Variants in ITGA9 observed in about 807,000 individuals in gnomAD.
ITGA9 encodes integrin subunit alpha 9.
In ITGA9, 56 loss-of-function variants were observed where a neutral mutation model predicts 127.8. The observed-to-expected ratio is 0.44, with a 90% CI of 0.35 to 0.55. The LOEUF (loss-of-function observed/expected upper bound fraction) is 0.55, where lower values mean the gene tolerates loss of function less well. Among genes scored for constraint, ITGA9 ranks in the 20% least tolerant of loss-of-function variants. The pLI, the probability that ITGA9 is intolerant of heterozygous loss-of-function variation, is 0.00. For missense variants in ITGA9, 1,196 were observed against 1,347.1 expected, an observed-to-expected ratio of 0.89 and a Z score of 1.76; for synonymous variants, 508 against 514.5, an observed-to-expected ratio of 0.99 and a Z score of 0.17.
At chr3:37,574,034 C>T (rs1161995212) in intron 15 of ITGA9, among the ~76,000 whole-genome samples, 1 of 152,082 alleles carries the variant, frequency 6.6e-6, no homozygotes, top group Non-Finnish European at 1.5e-5. Flanking sequence ...TAGCTCAGGC[C>T]TTAAAAGTTC....
intron 14 of ITGA9, among the ~76,000 whole-genome samples, chr3:37,536,353 T>G (rs1410313593): frequency 2.0e-5 from 3 of 152,254 alleles, no homozygotes; most frequent in Admixed American, 6.5e-5. Context: ...TCTCAATGTC[T>G]GCATATCTTG....
intron 15 of ITGA9, among the ~76,000 whole-genome samples, chr3:37,557,821 A>G (rs1279951971): frequency 6.6e-6 from 1 of 152,202 alleles, no homozygotes; most frequent in East Asian, 1.9e-4. Flanking sequence ...AAATAAAATA[A>G]AATCTCATTT....
chr3:37,485,135 A>G (rs1357868548), intron 4 of ITGA9, among the ~76,000 whole-genome samples: 2 of 152,112 alleles, frequency 1.3e-5, no homozygotes, highest in Non-Finnish European at 2.9e-5. Flanking sequence ...TGGAGAGAGA[A>G]TTTCCTGCCA....
At chr3:37,720,763 G>A (rs891905720) in intron 18 of ITGA9, among the ~76,000 whole-genome samples, 2 of 152,144 alleles carry the variant, frequency 1.3e-5, no homozygotes, top group African/African-American at 2.4e-5. Context: ...TCCTGAAGAG[G>A]ACAATCACCA....
intron 15 of ITGA9, among the ~76,000 whole-genome samples, chr3:37,551,612 C>T (rs1699378758): frequency 6.6e-6 from 1 of 152,200 alleles, no homozygotes; most frequent in Non-Finnish European, 1.5e-5. Context: ...GTCTTCTCCA[C>T]CCATTCCCAC....
intron 1 of ITGA9, among the ~76,000 whole-genome samples, chr3:37,467,896 G>A (rs886664995): frequency 4.6e-5 from 7 of 152,138 alleles, no homozygotes; most frequent in African/African-American, 9.7e-5. Flanking sequence ...CTTATGAAGC[G>A]CAATATGTGA....
At chr3:37,692,172 G>C (rs1700838470) in intron 18 of ITGA9, among the ~76,000 whole-genome samples, 1 of 152,144 alleles carries the variant, frequency 6.6e-6, no homozygotes, top group Admixed American at 6.5e-5. Flanking sequence ...ACTTGTATAT[G>C]ATGGGTACTA....
At chr3:37,461,191 C>T (rs1579039496) in intron 1 of ITGA9, among the ~76,000 whole-genome samples, 1 of 152,254 alleles carries the variant, frequency 6.6e-6, no homozygotes, top group South Asian at 2.1e-4. Context: ...TCCCTGGTTC[C>T]ACAGCAACAA....
At chr3:37,618,984 G>C (rs932011462) in intron 15 of ITGA9, among the ~76,000 whole-genome samples, 1 of 152,140 alleles carries the variant, frequency 6.6e-6, no homozygotes, top group Non-Finnish European at 1.5e-5. Context: ...CCCACTGTCT[G>C]ACACTCCCCA....
intron 6 of ITGA9, among the ~76,000 whole-genome samples, chr3:37,504,131 C>T (rs1698817112): frequency 1.3e-5 from 2 of 152,104 alleles, no homozygotes; most frequent in East Asian, 1.9e-4. Flanking sequence ...TTGCCTTTTC[C>T]CTTCTAACTA....
chr3:37,521,813 G>A (rs982664138), intron 11 of ITGA9, among the ~76,000 whole-genome samples: 7 of 152,218 alleles, frequency 4.6e-5, no homozygotes, highest in South Asian at 2.1e-4. Context: ...GCAGACACAC[G>A]TACATGTTTG....
At chr3:37,582,122 C>T (rs139985082) in intron 15 of ITGA9, among the ~76,000 whole-genome samples, 231 of 152,228 alleles carry the variant, frequency 1.5e-3, no homozygotes, top group African/African-American at 5.3e-3. Context: ...TGAGTATATT[C>T]CTAATAATGA....
Position 37,799,735 on chromosome 3 carries a change from G to A in ITGA9, c.2890-4088G>A, listed in dbSNP as rs75377974. On this transcript the variant is annotated intron_variant, in intron 26 of 27. Transcript: ENST00000264741. This position sits in a 1 kb window ranked among gnomAD's most constrained non-coding sequence, Gnocchi z 4.0. The stretch of plus-strand genomic sequence containing the variant: ...TTTCCAAGCCTCCTGAAATAGTGCT[G>A]GTGAGAGAAGACGAGATGTGAGCCA... Among the ~76,000 whole-genome samples the A allele has an allele frequency of 9.2e-3, 1,394 of 152,234 alleles. 94 individuals are homozygous for A. In the East Asian group the frequency reaches 0.19, roughly 20 times the overall value.
intron 18 of ITGA9, among the ~76,000 whole-genome samples, chr3:37,693,824 A>C (rs1241044099): frequency 6.6e-6 from 1 of 152,148 alleles, no homozygotes; most frequent in Admixed American, 6.5e-5. Flanking sequence ...GCCTTCCTTC[A>C]CTGCCGCTTT....
intron 15 of ITGA9, among the ~76,000 whole-genome samples, chr3:37,623,336 T>C (rs1462408668): frequency 6.6e-6 from 1 of 152,250 alleles, no homozygotes; most frequent in Non-Finnish European, 1.5e-5. Context: ...TTATTAGCCC[T>C]GAGCTCTTAA....
rs1200331485 is a variant in ITGA9 at position 37,799,828 on chromosome 3, CA to C, written c.2890-3993del. The stretch of plus-strand genomic sequence containing the variant: ...GTTTAGAAAGGTGTAGGGGCTTAAC[CA>C]AGGATCACCCAGCTCATTGGTGGTG... On this transcript the variant is annotated intron_variant, in intron 26 of 27. Coordinates refer to ENST00000264741, the MANE Select transcript of ITGA9 (RefSeq NM_002207.3). This position sits in a 1 kb window ranked among gnomAD's most constrained non-coding sequence, Gnocchi z 4.0. Among the ~76,000 whole-genome samples, 3 of 152,102 alleles carry C rather than the reference CA, an allele frequency of 2.0e-5. No homozygotes were observed. The highest frequency in any genetic ancestry group is 4.4e-5 in the Non-Finnish European group (3 of 68,006).
In ITGA9 at chr3:37,732,701, T is replaced by A; in HGVS notation, c.2068-11T>A. On this transcript the variant is annotated splice_polypyrimidine_tract_variant and intron_variant, in intron 18 of 27. Transcript: ENST00000264741. ...TGCAGCCGGCCCATCTGTTGGTGCT[T>A]TTTCTTTCAGGAGGAGATGGGCATC... 1 of 1,601,756 alleles carries A rather than the reference T, an allele frequency of 6.2e-7. No individual in the cohort carries two copies. The highest frequency in any genetic ancestry group is 1.7e-4 in the Middle Eastern group (1 of 6,050).
intron 2 of ITGA9, among the ~76,000 whole-genome samples, chr3:37,471,742 T>C (rs1428584680): frequency 1.3e-5 from 2 of 152,140 alleles, no homozygotes; most frequent in African/African-American, 4.8e-5. Context: ...AAAGATATGA[T>C]CAGATGGATG....
chr3:37,722,841 G>A (rs1701205485), intron 18 of ITGA9, among the ~76,000 whole-genome samples: 1 of 152,176 alleles, frequency 6.6e-6, no homozygotes, highest in East Asian at 1.9e-4. Flanking sequence ...ACCTAAGAGT[G>A]GGATTGCTGG....
Sources: allele counts gnomAD v4.1 joint callset (sites outside exome capture counted in the v4.1 genomes callset), GRCh38; gene constraint gnomAD v4.1.1; non-coding constraint Gnocchi (gnomAD v3.1); transcripts MANE v1.5; gene names NCBI Gene and HGNC (gene_info 2026-07-23, HGNC 2026-07-21).